ZNF782: variants seen among roughly 807,000 people sequenced by gnomAD.
ZNF782 encodes the protein zinc finger protein 782.
ZNF782 carries 12 observed loss-of-function variants against 13.0 expected under a neutral mutation model. The ratio of observed to expected loss-of-function variants is 0.92; its 90% CI spans 0.59 to 1.50. The LOEUF (loss-of-function observed/expected upper bound fraction) is 1.50, where lower values mean the gene tolerates loss of function less well. ZNF782 is among the 40% of genes most tolerant of loss of function. The pLI, the probability that ZNF782 is intolerant of heterozygous loss-of-function variation, is 0.00. For missense variants in ZNF782, 770 were observed against 822.9 expected (o/e 0.94, Z 0.79); for synonymous variants, 284 against 283.0 (o/e 1.00, Z -0.04).
At chr9:96,902,081 C>A in the ZNF782 span, among the ~76,000 whole-genome samples, 7 of 152,110 alleles carry the variant, frequency 4.6e-5, no homozygotes, top group East Asian at 1.4e-3. Flanking sequence ...ACAGGCAACC[C>A]TGGAGAATCC....
the ZNF782 span, chr9:96,894,100 AC>A: frequency 1.3e-5 from 2 of 151,844 alleles, no homozygotes; most frequent in African/African-American, 4.9e-5. Flanking sequence ...AGGACAGAAA[AC>A]CAAACACCGC....
chr9:96,840,289 A>G (rs1851147644), intron 4 of ZNF782, among the ~76,000 whole-genome samples: 1 of 151,900 alleles, frequency 6.6e-6, no homozygotes, highest in South Asian at 2.1e-4. Context: ...TTCTTCTACT[A>G]GGGGTCTTTG....
intron 4 of ZNF782, among the ~76,000 whole-genome samples, chr9:96,834,894 G>C (rs1451859085): frequency 6.6e-6 from 1 of 152,184 alleles, no homozygotes; most frequent in African/African-American, 2.4e-5. Context: ...GGAGCGTTAA[G>C]GGTGATTCTA....
chr9:96,830,522 GC>G (rs1185896868), intron 4 of ZNF782, among the ~76,000 whole-genome samples: 1 of 152,180 alleles, frequency 6.6e-6, no homozygotes, highest in Non-Finnish European at 1.5e-5. Flanking sequence ...TCCTCTAGGT[GC>G]CGACAGAGGC....
At chr9:96,927,714 G>A in the ZNF782 span, among the ~76,000 whole-genome samples, 3 of 151,864 alleles carry the variant, frequency 2.0e-5, no homozygotes, top group African/African-American at 7.3e-5. Context: ...ATGTCATATG[G>A]ATCATAATTA....
At position 96,819,455 on chromosome 9, in the gene ZNF782, T is replaced by C. The variant is rs1221042934; in HGVS notation, c.568A>G (p.Ser190Gly). The change falls in exon 6 of 6, where the codon AGT (serine) becomes GGT (glycine). Residue 190 changes from serine (S) to glycine (G), a missense_variant. By Grantham distance (56) the Ser-to-Gly change is moderately conservative. Transcript: ENST00000481138. ...TGATGGAGGGTTTTCACAATTTTAC[T>C]ATAAGCGAAAGATTTCTCTTGAGTG... ...TNTQEKSFAY[S>G]KIVKTLHHKE... The C allele has an allele frequency of 1.2e-6, 2 of 1,613,972 alleles. No homozygotes were observed. Among genetic ancestry groups the C allele is most frequent in the East Asian group, 4.5e-5 (2 of 44,884 alleles).
chr9:96,916,222 T>G, the ZNF782 span, among the ~76,000 whole-genome samples: 1 of 151,944 alleles, frequency 6.6e-6, no homozygotes, highest in African/African-American at 2.4e-5. Context: ...CCTGGCGCAA[T>G]GGCTCACGCC....
intron 4 of ZNF782, among the ~76,000 whole-genome samples, chr9:96,830,237 G>GA (rs1388427476): frequency 1.3e-5 from 2 of 152,198 alleles, no homozygotes; most frequent in African/African-American, 2.4e-5. Context: ...CTGCTGCCAT[G>GA]AAAGGACAAG....
chr9:96,858,546 G>A (rs377039108), upstream of ZNF782, among the ~76,000 whole-genome samples: 14 of 152,344 alleles, frequency 9.2e-5, no homozygotes, highest in African/African-American at 3.4e-4. The surrounding 1 kb of genome is among the most constrained non-coding windows in gnomAD (Gnocchi z 4.4). Context: ...GGGCCTTGGA[G>A]CTGGTAGGCA....
the ZNF782 span, among the ~76,000 whole-genome samples, chr9:96,917,887 C>CGCGTGTGTGTGTGTGTGT: frequency 8.2e-6 from 1 of 121,682 alleles, no homozygotes; most frequent in African/African-American, 3.6e-5. Flanking sequence ...CCACCCTTGG[C>CGCGTGTGTGTGTGTGTGT]GTGTGTGTGT....
chr9:96,882,876 G>A, the ZNF782 span, among the ~76,000 whole-genome samples: 1 of 152,152 alleles, frequency 6.6e-6, no homozygotes, highest in Non-Finnish European at 1.5e-5. Context: ...GAACTTGTAG[G>A]AGGGGTGGTT....
chr9:96,911,797 G>A, the ZNF782 span, among the ~76,000 whole-genome samples: 17 of 151,886 alleles, frequency 1.1e-4, no homozygotes. Flanking sequence ...TGGGATTACA[G>A]GTGTGACCCA....
the ZNF782 span, among the ~76,000 whole-genome samples, chr9:96,908,435 G>C: frequency 2.0e-5 from 3 of 152,280 alleles, no homozygotes; most frequent in African/African-American, 7.2e-5. Context: ...AGCCTAAAAT[G>C]CAAGAGAAGC....
the ZNF782 span, among the ~76,000 whole-genome samples, chr9:96,911,919 G>T: frequency 6.6e-6 from 1 of 152,002 alleles, no homozygotes; most frequent in Non-Finnish European, 1.5e-5. Context: ...TAAAAAGGCC[G>T]GCTGGCATGG....
At chr9:96,856,423 T>C (rs1021814006), upstream of ZNF782, among the ~76,000 whole-genome samples, 3 of 152,352 alleles carry the variant, frequency 2.0e-5, no homozygotes, top group East Asian at 5.8e-4. Flanking sequence ...CAAAAACAAA[T>C]GGTTATTGAA....
chr9:96,931,123 G>C, the ZNF782 span, among the ~76,000 whole-genome samples: 2 of 151,928 alleles, frequency 1.3e-5, no homozygotes, highest in African/African-American at 4.8e-5. Context: ...CCTGACCTCA[G>C]GTGATCCACC....
At chr9:96,877,961 CA>C (rs1175634226), upstream of ZNF782, among the ~76,000 whole-genome samples, 1 of 133,992 alleles carries the variant, frequency 7.5e-6, no homozygotes, top group Non-Finnish European at 1.5e-5. Flanking sequence ...GTATAATAAA[CA>C]GTCAACCCAA....
the ZNF782 span, chr9:96,929,121 G>T: frequency 8.7e-6 from 14 of 1,604,436 alleles, no homozygotes; most frequent in Non-Finnish European, 1.2e-5. Flanking sequence ...TGTCCCTGGG[G>T]ACAGCTTATA....
rs145179361 is a variant in ZNF782, at chr9:96,866,017, A to G, written c.-456-4414T>C. Among the ~76,000 whole-genome samples, 1,166 of 152,320 alleles carry G rather than the reference A, an allele frequency of 7.7e-3. 7 individuals carry two copies. Among genetic ancestry groups the G allele is most frequent in the African/African-American group, 0.027 (1,120 of 41,558 alleles). On this transcript the variant is annotated intron_variant, in intron 1 of 5. Coordinates refer to the ZNF782 transcript ENST00000498811. ...CTAAAGGCATTCTGTTTTAAAAGGG[A>G]CACAGAGCATAAAAGTTTGGAAAAT...
Sources: gnomAD v4.1 joint callset for allele counts (sites outside exome capture counted in the v4.1 genomes callset) on GRCh38, gnomAD v4.1.1 for gene constraint, Gnocchi (gnomAD v3.1) non-coding constraint, MANE v1.5 for transcripts, NCBI Gene and HGNC (gene_info 2026-07-23, HGNC 2026-07-21) for gene names.